The following CDKAL1 variants were observed in gnomAD, a reference collection of about 807,000 sequenced individuals.
The protein encoded by CDKAL1 is threonylcarbamoyladenosine tRNA methylthiotransferase.
CDKAL1 carries 32 observed loss-of-function variants against 68.2 expected under a neutral mutation model. The observed-to-expected ratio is 0.47, with a 90% CI of 0.35 to 0.63. The LOEUF (loss-of-function observed/expected upper bound fraction) is 0.63, where lower values mean the gene tolerates loss of function less well. Ranked by LOEUF, CDKAL1 falls within the 30% of genes least tolerant of loss-of-function variation. The pLI is 0.00. For missense variants in CDKAL1, 606 were observed against 696.7 expected, an observed-to-expected ratio of 0.87 and a Z score of 1.47; for synonymous variants, 234 against 244.3, an observed-to-expected ratio of 0.96 and a Z score of 0.39.
At chr6:21,077,844 A>G (rs1382034339) in intron 12 of CDKAL1, among the ~76,000 whole-genome samples, 1 of 152,160 alleles carries the variant, frequency 6.6e-6, no homozygotes, top group African/African-American at 2.4e-5. Context: ...ATTAAGTTCA[A>G]GCTCTTGAGA....
chr6:20,955,646 C>A, intron 10 of CDKAL1, 61 bp downstream of exon 10: 2 of 1,446,878 alleles, frequency 1.4e-6, no homozygotes, highest in South Asian at 1.3e-5. Flanking sequence ...GACAGTGTGG[C>A]AGCCTCAGTA....
At chr6:20,545,447 T>A (rs1763561034) in intron 2 of CDKAL1, among the ~76,000 whole-genome samples, 1 of 152,162 alleles carries the variant, frequency 6.6e-6, no homozygotes, top group Non-Finnish European at 1.5e-5. Flanking sequence ...TATTTTTTCT[T>A]CTTTTTTGAG....
chr6:20,540,234 T>C (rs1310805105), intron 2 of CDKAL1, among the ~76,000 whole-genome samples: 1 of 151,390 alleles, frequency 6.6e-6, no homozygotes, highest in African/African-American at 2.4e-5. Flanking sequence ...CCACTATGCC[T>C]GGCTAATTTT....
intron 10 of CDKAL1, among the ~76,000 whole-genome samples, chr6:20,999,955 T>G (rs1178971731): frequency 2.6e-5 from 4 of 152,198 alleles, no homozygotes; most frequent in Non-Finnish European, 4.4e-5. Context: ...CTTTTTACTC[T>G]TTAGGCATTA....
chr6:20,595,804 G>A (rs367875932), intron 4 of CDKAL1, among the ~76,000 whole-genome samples: 1 of 152,066 alleles, frequency 6.6e-6, no homozygotes, highest in African/African-American at 2.4e-5. Flanking sequence ...TCATCTTCGT[G>A]GATTCATCTA....
chr6:21,038,353 G>A (rs1245022738), intron 11 of CDKAL1, among the ~76,000 whole-genome samples: 2 of 152,196 alleles, frequency 1.3e-5, no homozygotes, highest in Non-Finnish European at 2.9e-5. Flanking sequence ...TGCAATGTGT[G>A]GGATATGGAG....
chr6:20,771,122 T>C (rs1774921668), intron 7 of CDKAL1, among the ~76,000 whole-genome samples: 1 of 152,238 alleles, frequency 6.6e-6, no homozygotes, highest in East Asian at 1.9e-4. Flanking sequence ...TAATCTTTCA[T>C]ACATGCTTCA....
At chr6:20,852,029 A>C (rs938435818) in intron 9 of CDKAL1, among the ~76,000 whole-genome samples, 5 of 152,052 alleles carry the variant, frequency 3.3e-5, no homozygotes, top group African/African-American at 1.2e-4. Context: ...TTATCTTTTC[A>C]TATGTGCTGT....
At chr6:20,802,453 A>G (rs1776409179) in intron 8 of CDKAL1, among the ~76,000 whole-genome samples, 1 of 152,078 alleles carries the variant, frequency 6.6e-6, no homozygotes, top group African/African-American at 2.4e-5. Context: ...AAAGAAAAAC[A>G]TCATTCCTAC....
intron 5 of CDKAL1, among the ~76,000 whole-genome samples, chr6:20,679,180 G>A (rs937332613): frequency 6.6e-6 from 1 of 152,220 alleles, no homozygotes; most frequent in African/African-American, 2.4e-5. Context: ...GCCTCCCAAA[G>A]TGTTGGGATT....
intron 11 of CDKAL1, among the ~76,000 whole-genome samples, chr6:21,015,339 A>G (rs970773729): frequency 3.9e-5 from 6 of 152,146 alleles, no homozygotes; most frequent in Non-Finnish European, 8.8e-5. Context: ...TTTTTCCTCA[A>G]TTATTATTTA....
chr6:21,190,626 C>G (rs2151096605), intron 13 of CDKAL1, among the ~76,000 whole-genome samples: 1 of 152,316 alleles, frequency 6.6e-6, no homozygotes, highest in South Asian at 2.1e-4. Flanking sequence ...CTCGGCCTCC[C>G]AAAGTTCTGG....
At chr6:20,767,240 C>T (rs7452218) in intron 7 of CDKAL1, among the ~76,000 whole-genome samples, 17,300 of 152,110 alleles carry the variant, frequency 0.11, 1,202 homozygotes, top group East Asian at 0.34. Context: ...AGCAGCTTCA[C>T]TGCATTTTTC....
intron 5 of CDKAL1, among the ~76,000 whole-genome samples, chr6:20,719,025 A>G (rs1191493603): frequency 1.3e-5 from 2 of 152,152 alleles, no homozygotes; most frequent in Non-Finnish European, 2.9e-5. Context: ...AGACTCAGAG[A>G]AGAAGATTTG....
intron 4 of CDKAL1, among the ~76,000 whole-genome samples, chr6:20,610,953 G>A (rs1322622954): frequency 6.6e-6 from 1 of 152,058 alleles, no homozygotes; most frequent in Non-Finnish European, 1.5e-5. Context: ...TGGACTACAG[G>A]TGCACACCAC....
intron 13 of CDKAL1, among the ~76,000 whole-genome samples, chr6:21,184,747 C>T (rs1303793563): frequency 6.6e-6 from 1 of 151,904 alleles, no homozygotes; most frequent in Non-Finnish European, 1.5e-5. Context: ...ACCTCCTGGG[C>T]ACAAGCAATC....
chr6:20,731,459 A>G (rs1372604087), intron 5 of CDKAL1, among the ~76,000 whole-genome samples: 8 of 152,186 alleles, frequency 5.3e-5, no homozygotes, highest in Admixed American at 4.6e-4. Flanking sequence ...ATTGAGTGTG[A>G]GAGAAGTTAA....
At chr6:21,208,011 T>C (rs560471207) in intron 15 of CDKAL1, among the ~76,000 whole-genome samples, 35 of 145,898 alleles carry the variant, frequency 2.4e-4, no homozygotes, top group African/African-American at 9.3e-4. Flanking sequence ...CTCTTACTCT[T>C]TATGTCTTTT....
chr6:20,773,273 A>G (rs1436831516), intron 7 of CDKAL1, among the ~76,000 whole-genome samples: 1 of 152,166 alleles, frequency 6.6e-6, no homozygotes, highest in Non-Finnish European at 1.5e-5. Context: ...CTTTAGTGTG[A>G]ATACCTACCT....
Sources: allele counts gnomAD v4.1 joint callset (sites outside exome capture counted in the v4.1 genomes callset), GRCh38; gene constraint gnomAD v4.1.1; transcripts MANE v1.5; gene names NCBI Gene and HGNC (gene_info 2026-07-23, HGNC 2026-07-21).